Variants in PPM1D observed in about 807,000 individuals in gnomAD.
The protein encoded by PPM1D is protein phosphatase, Mg2+/Mn2+ dependent 1D, also known as protein phosphatase 1D.
PPM1D carries 52 observed loss-of-function variants against 58.3 expected under a neutral mutation model. The ratio of observed to expected loss-of-function variants is 0.89; its 90% CI spans 0.71 to 1.12. PPM1D has a LOEUF of 1.12. Among genes scored for constraint, PPM1D ranks in the 50% most tolerant of loss-of-function variants. PPM1D has a pLI of 0.00. For missense variants in PPM1D, 564 were observed against 777.2 expected (o/e 0.73, Z 3.26); for synonymous variants, 278 against 285.1 (o/e 0.98, Z 0.25).
intron 1 of PPM1D, among the ~76,000 whole-genome samples, chr17:60,620,103 A>G (rs372339114): frequency 2.6e-5 from 4 of 151,860 alleles, no homozygotes; most frequent in Middle Eastern, 6.8e-3. Context: ...GGTTCAAACT[A>G]TTCTCCTGTC....
chr17:60,636,438 G>A (rs1276754083), intron 3 of PPM1D, among the ~76,000 whole-genome samples: 1 of 152,098 alleles, frequency 6.6e-6, no homozygotes, highest in Admixed American at 6.6e-5. Flanking sequence ...CTAGGTTAGG[G>A]GAAAACATGA....
intron 1 of PPM1D, among the ~76,000 whole-genome samples, chr17:60,609,736 A>T (rs545717045): frequency 1.3e-5 from 2 of 152,296 alleles, no homozygotes; most frequent in East Asian, 3.9e-4. Flanking sequence ...ATGGTATTGC[A>T]GTGTTTATGT....
chr17:60,627,945 G>A (rs1047694730), intron 2 of PPM1D, among the ~76,000 whole-genome samples: 8 of 151,666 alleles, frequency 5.3e-5, no homozygotes, highest in Non-Finnish European at 1.2e-4. Flanking sequence ...GAGTGCAGTG[G>A]CACGATCTCG....
intron 1 of PPM1D, among the ~76,000 whole-genome samples, chr17:60,612,762 GAATA>G (rs2030486857): frequency 6.6e-6 from 1 of 151,618 alleles, no homozygotes; most frequent in African/African-American, 2.4e-5. Flanking sequence ...TCAATGACGA[GAATA>G]AATAAGAAAC....
intron 3 of PPM1D, among the ~76,000 whole-genome samples, chr17:60,642,574 C>T (rs569057027): frequency 2.6e-5 from 4 of 151,844 alleles, no homozygotes; most frequent in South Asian, 2.1e-4. Flanking sequence ...TTCTCCTGCC[C>T]GAGCCTCTCG....
chr17:60,642,181 GAA>G (rs2031147064), intron 3 of PPM1D, among the ~76,000 whole-genome samples: 1 of 152,166 alleles, frequency 6.6e-6, no homozygotes, highest in Non-Finnish European at 1.5e-5. Context: ...CTATGAGTAT[GAA>G]TCATCTGGTG....
chr17:60,663,478 C>A lies in PPM1D; in HGVS notation c.1744C>A (p.Arg582Ser). ...RKNSVKLTMR[R>S]RLRGQKKIGN... ...GAACTCTGTTAAACTCACCATGCGA[C>A]GCAGACTTAGGGGCCAGAAGAAAAT... Residue 582 changes from arginine to serine, a missense_variant, in exon 6 of 6, where the codon CGC (arginine) becomes AGC (serine). Physicochemically the swap from Arg to Ser is moderately radical, Grantham distance 110 (BLOSUM62 -1). Coordinates refer to ENST00000305921, the MANE Select transcript of PPM1D (RefSeq NM_003620.4). 6.2e-7 allele frequency: 1 copy of A among 1,613,936 alleles called. No individual in the cohort carries two copies. Among genetic ancestry groups the A allele is most frequent in the African/African-American group, 1.3e-5 (1 of 75,038 alleles).
intron 2 of PPM1D, among the ~76,000 whole-genome samples, chr17:60,624,832 C>T (rs1227120138): frequency 6.6e-6 from 1 of 151,412 alleles, no homozygotes; most frequent in African/African-American, 2.4e-5. Flanking sequence ...AGGAGTTCAA[C>T]AAATTAATAA....
chr17:60,612,743 T>G (rs1455840994), intron 1 of PPM1D, among the ~76,000 whole-genome samples: 1 of 149,074 alleles, frequency 6.7e-6, no homozygotes. Flanking sequence ...TAACAGTCTG[T>G]TTTTTTTTTC....
intron 1 of PPM1D, among the ~76,000 whole-genome samples, chr17:60,619,761 C>T (rs551418013): frequency 6.6e-6 from 1 of 151,870 alleles, no homozygotes; most frequent in Non-Finnish European, 1.5e-5. Context: ...CTACCATGCC[C>T]GGCTAATTTT....
chr17:60,615,491 A>T (rs896126066), intron 1 of PPM1D, among the ~76,000 whole-genome samples: 1 of 151,940 alleles, frequency 6.6e-6, no homozygotes, highest in Non-Finnish European at 1.5e-5. Context: ...GTTTTATGTC[A>T]TTAAAAAAAT....
chr17:60,632,206 AAAAACCT>A (rs1188225727), intron 2 of PPM1D, among the ~76,000 whole-genome samples: 1 of 151,742 alleles, frequency 6.6e-6, no homozygotes, highest in Non-Finnish European at 1.5e-5. Flanking sequence ...AAACAAAAAA[AAAAACCT>A]AATCATATTT....
intron 2 of PPM1D, among the ~76,000 whole-genome samples, chr17:60,631,137 G>T (rs1191920831): frequency 6.6e-6 from 1 of 152,058 alleles, no homozygotes; most frequent in Non-Finnish European, 1.5e-5. Context: ...GAGCCCAGGA[G>T]TTTAAGACCA....
At chr17:60,630,332 T>C (rs1218589052) in intron 2 of PPM1D, among the ~76,000 whole-genome samples, 1 of 152,220 alleles carries the variant, frequency 6.6e-6, no homozygotes, top group Admixed American at 6.5e-5. Flanking sequence ...TTATATTTTA[T>C]TTGATTTTAA....
chr17:60,628,296 C>G (rs1000510185), intron 2 of PPM1D, among the ~76,000 whole-genome samples: 4 of 152,218 alleles, frequency 2.6e-5, no homozygotes, highest in Non-Finnish European at 5.9e-5. Flanking sequence ...TCCCAGGCTT[C>G]CCCACTATCC....
chr17:60,634,921 C>T (rs2030994955), intron 3 of PPM1D, among the ~76,000 whole-genome samples: 1 of 152,130 alleles, frequency 6.6e-6, no homozygotes, highest in Non-Finnish European at 1.5e-5. Flanking sequence ...ACTGGGACTA[C>T]AGGTGTGAGC....
At chr17:60,643,091 C>T (rs1026140622) in intron 3 of PPM1D, among the ~76,000 whole-genome samples, 13 of 148,810 alleles carry the variant, frequency 8.7e-5, no homozygotes, top group Non-Finnish European at 1.9e-4. Flanking sequence ...GGCCTGAGCA[C>T]AGTGACTTAT....
intron 3 of PPM1D, among the ~76,000 whole-genome samples, chr17:60,638,279 T>C (rs2031064694): frequency 1.3e-5 from 2 of 152,226 alleles, no homozygotes; most frequent in South Asian, 4.1e-4. Flanking sequence ...TATTTTCTTT[T>C]CAAAAATAAT....
chr17:60,624,558 G>A (rs2143657000), intron 2 of PPM1D, among the ~76,000 whole-genome samples: 1 of 152,070 alleles, frequency 6.6e-6, no homozygotes, highest in South Asian at 2.1e-4. Flanking sequence ...AGGCTGAGGC[G>A]GGCACATCAC....
Sources: allele counts gnomAD v4.1 joint callset (sites outside exome capture counted in the v4.1 genomes callset), GRCh38; gene constraint gnomAD v4.1.1; transcripts MANE v1.5; gene names NCBI Gene and HGNC (gene_info 2026-07-23, HGNC 2026-07-21).